VTI1B: variants seen among roughly 807,000 people sequenced by gnomAD.
VTI1B encodes vesicle transport through interaction with t-SNAREs 1B.
VTI1B carries 18 observed loss-of-function variants against 28.6 expected under a neutral mutation model. The ratio of observed to expected loss-of-function variants is 0.63; its 90% CI spans 0.43 to 0.93. The LOEUF (loss-of-function observed/expected upper bound fraction) is 0.93. Ranked by LOEUF, VTI1B falls within the 40% of genes least tolerant of loss-of-function variation. The pLI, the probability that VTI1B is intolerant of heterozygous loss-of-function variation, is 0.00. For missense variants in VTI1B, 283 were observed against 297.0 expected, an observed-to-expected ratio of 0.95 and a Z score of 0.35; for synonymous variants, 100 against 107.9, an observed-to-expected ratio of 0.93 and a Z score of 0.46.
rs897141027 is a variant in VTI1B, at chr14:67,647,411, T to C, written c.*3974A>G. On this transcript the variant is annotated 3_prime_UTR_variant, in exon 6 of 6. Coordinates refer to ENST00000554659, the MANE Select transcript of VTI1B (RefSeq NM_006370.3). ...TGGCAGATGAATACTAATCAAATGG[T>C]AATTTTAAGAGCATTTTCCCAATAC... 3.0e-5 allele frequency: 5 copies of C among 167,258 alleles called. 1 individual carries two copies. Among genetic ancestry groups the C allele is most frequent in the Admixed American group, 2.5e-4 (4 of 16,284 alleles). The allele number at this position is 167,258 out of a possible 1,614,324, so 10.4% of individuals were successfully genotyped here. A position where few individuals can be genotyped will look rare whatever the true frequency, so the allele number is the denominator to read the frequency against.
rs1486525625 is a variant in VTI1B, at chr14:67,650,974, T to C, written c.*411A>G. 3.9e-6 allele frequency: 6 copies of C among 1,537,020 alleles called. No homozygotes were observed. In the African/African-American group the frequency reaches 4.1e-5, roughly 10 times the overall value. ...ACAGGCATTCCAGAATTATGAGGCA[T>C]TGAGGGGATAGATGAATACTAAATG... On this transcript the variant is annotated 3_prime_UTR_variant, in exon 6 of 6. Coordinates refer to ENST00000554659, the MANE Select transcript of VTI1B (RefSeq NM_006370.3).
chr14:67,663,515 A>G (rs1284384477), intron 1 of VTI1B, among the ~76,000 whole-genome samples: 1 of 151,914 alleles, frequency 6.6e-6, no homozygotes, highest in African/African-American at 2.4e-5. Flanking sequence ...CTACTAAAAA[A>G]TACAAAAAAT....
At chr14:67,666,219 CAT>C (rs758414614) in intron 1 of VTI1B, among the ~76,000 whole-genome samples, 10 of 152,162 alleles carry the variant, frequency 6.6e-5, no homozygotes, top group East Asian at 1.9e-4. Flanking sequence ...TGTGTTTAGT[CAT>C]AAATTCTCCT....
intron 1 of VTI1B, among the ~76,000 whole-genome samples, chr14:67,667,713 G>C (rs530018645): frequency 6.6e-6 from 1 of 152,288 alleles, no homozygotes; most frequent in African/African-American, 2.4e-5. Context: ...GGGAGGCCGA[G>C]GCGGGCGGAT....
chr14:67,648,186 A>C lies in VTI1B; in HGVS notation c.*3199T>G. 6.2e-7 allele frequency: 1 copy of C among 1,612,466 alleles called. No individual in the cohort carries two copies. Among genetic ancestry groups the C allele is most frequent in the Non-Finnish European group, 8.5e-7 (1 of 1,178,994 alleles). On this transcript the variant is annotated 3_prime_UTR_variant, in exon 6 of 6. Coordinates refer to ENST00000554659, the MANE Select transcript of VTI1B (RefSeq NM_006370.3). ...TGCTGAGGAAATACACAATACAGGT[A>C]TGTAGCAACCAGGTCTGCAGCCTGT...
intron 1 of VTI1B, chr14:67,662,912 A>AAG: frequency 7.8e-7 from 1 of 1,279,300 alleles, no homozygotes; most frequent in East Asian, 3.3e-5. Flanking sequence ...CAAAAAAAAA[A>AAG]AAAAAAAAAG....
chr14:67,673,075 CT>C (rs2037488771), intron 1 of VTI1B, among the ~76,000 whole-genome samples: 1 of 152,232 alleles, frequency 6.6e-6, no homozygotes, highest in African/African-American at 2.4e-5. Context: ...TCAGAGAGGA[CT>C]TTCACAACCG....
intron 1 of VTI1B, chr14:67,662,978 T>G: frequency 1.5e-6 from 2 of 1,376,030 alleles, no homozygotes; most frequent in African/African-American, 3.0e-5. Flanking sequence ...AGTGAACCAC[T>G]TCTATGTTAA....
intron 1 of VTI1B, chr14:67,663,052 G>T: frequency 6.9e-7 from 1 of 1,455,914 alleles, no homozygotes; most frequent in Non-Finnish European, 9.0e-7. Context: ...AGGCTGTCTG[G>T]TGTGGTGCTT....
chr14:67,651,580 G>A (rs2037178113), intron 5 of VTI1B, 99 bp from the exon 6 acceptor site: 1 of 1,365,572 alleles, frequency 7.3e-7, no homozygotes, highest in Admixed American at 2.3e-5. Context: ...GATACTCTGA[G>A]GCTGTATGTT....
At chr14:67,674,291 C>T (rs772076433) in intron 1 of VTI1B, 84 bp downstream of exon 1, 1 of 1,297,962 alleles carries the variant, frequency 7.7e-7, no homozygotes, top group Non-Finnish European at 1.0e-6. Flanking sequence ...GACGCGGGCC[C>T]GGGTCTGGGA....
chr14:67,661,186 G>A (rs576613404), intron 2 of VTI1B, among the ~76,000 whole-genome samples: 54 of 141,920 alleles, frequency 3.8e-4, no homozygotes, highest in African/African-American at 1.3e-3. Context: ...TACTAGCAGC[G>A]ACCAGAATTT....
intron 5 of VTI1B, 97 bp downstream of exon 5, chr14:67,653,340 G>T: frequency 1.0e-6 from 1 of 1,004,974 alleles, no homozygotes. Flanking sequence ...GTCAACTGCT[G>T]AGGTGCTTTA....
chr14:67,658,401 T>C (rs2037292666), intron 3 of VTI1B, among the ~76,000 whole-genome samples: 1 of 152,002 alleles, frequency 6.6e-6, no homozygotes, highest in Non-Finnish European at 1.5e-5. Flanking sequence ...GAGATCATCC[T>C]GGCTAACACG....
chr14:67,665,773 T>C (rs1045171876), intron 1 of VTI1B, among the ~76,000 whole-genome samples: 2 of 152,166 alleles, frequency 1.3e-5, no homozygotes, highest in African/African-American at 4.8e-5. Flanking sequence ...TCATTCATTG[T>C]TGTGTGCCAC....
rs548633018 is a variant in VTI1B, at chr14:67,657,751, CT to C, written c.367-1163del. Reference sequence around the variant, plus strand: ...GTAGCAAGGAGCATTTTCTTTCTTTCTTTTTTTTTTTTTTTTTGAGACAGTC... The same window carrying C: ...GTAGCAAGGAGCATTTTCTTTCTTTCTTTTTTTTTTTTTTTTGAGACAGTC... On this transcript the variant is annotated intron_variant, in intron 3 of 5. Coordinates refer to ENST00000554659, the MANE Select transcript of VTI1B (RefSeq NM_006370.3). 2.7e-3 allele frequency among the ~76,000 whole-genome samples: 309 copies of C among 115,112 alleles called. 1 individual carries two copies. Among genetic ancestry groups the C allele is most frequent in the Admixed American group, 4.6e-3 (40 of 8,742 alleles). 75.5% of individuals were successfully genotyped at this position (115,112 alleles called of 152,430 possible). A position where few individuals can be genotyped will look rare whatever the true frequency, so the allele number is the denominator to read the frequency against.
In VTI1B at chr14:67,647,881, T is replaced by C; in HGVS notation, c.*3504A>G. 4.4e-6 allele frequency: 3 copies of C among 687,182 alleles called. No individual in the cohort carries two copies. Among genetic ancestry groups the C allele is most frequent in the Non-Finnish European group, 4.8e-6 (2 of 419,786 alleles). The allele number at this position is 687,182 out of a possible 1,614,324, so 42.6% of individuals were successfully genotyped here. On this transcript the variant is annotated 3_prime_UTR_variant, in exon 6 of 6. Transcript: ENST00000554659. ...AGGAAGTTAATATTGCCAATCTCAG[T>C]AACTTCCAAGAATAGGAAGCCTGGA...
rs779567869 is a variant in VTI1B at position 67,656,532 on chromosome 14, C to A, written c.424G>T (p.Ala142Ser). Residue 142 changes from alanine (A) to serine (S), a missense_variant, in exon 4 of 6, where the codon GCC (alanine) becomes TCC (serine). Ala to Ser is a moderately conservative substitution (Grantham distance 99). Coordinates refer to ENST00000554659, the MANE Select transcript of VTI1B (RefSeq NM_006370.3). Reference protein sequence around the residue: ...LLQGTESLNRATQSIERSHRI... With the variant: ...LLQGTESLNRSTQSIERSHRI... ...TGAGAACGTTCAATACTTTGGGTGGCCCGGTTCAGGCTTTCAGTGCCCTGC... is the reference window on the plus strand; with the variant it reads ...TGAGAACGTTCAATACTTTGGGTGGACCGGTTCAGGCTTTCAGTGCCCTGC... The A allele has an allele frequency of 1.2e-6, 2 of 1,613,788 alleles. No homozygotes were observed. The highest frequency in any genetic ancestry group is 3.3e-5 in the Admixed American group (2 of 60,016).
In VTI1B at chr14:67,669,917, T is replaced by C. The variant is rs542031189; in HGVS notation, c.115+4458A>G. On this transcript the variant is annotated intron_variant, in intron 1 of 5. Transcript: ENST00000554659. ...GAATTCGAGAACAGCCTGGATAACA[T>C]GGGAGACCCTTACTAAAAATACAAA... Among the ~76,000 whole-genome samples the C allele has an allele frequency of 6.6e-5, 10 of 152,210 alleles. 1 individual carries two copies. The South Asian group carries it at 2.1e-3, about 32-fold the overall frequency.
Sources: allele counts gnomAD v4.1 joint callset (sites outside exome capture counted in the v4.1 genomes callset), GRCh38; gene constraint gnomAD v4.1.1; transcripts MANE v1.5; gene names NCBI Gene and HGNC (gene_info 2026-07-23, HGNC 2026-07-21).